Variants in SLC13A5 observed in about 807,000 individuals in gnomAD.
SLC13A5 encodes the protein Na(+)/citrate cotransporter.
In SLC13A5, 25 loss-of-function variants were observed where a neutral mutation model predicts 56.5. The ratio of observed to expected loss-of-function variants is 0.44; its 90% CI spans 0.32 to 0.62. The LOEUF (loss-of-function observed/expected upper bound fraction) is 0.62. Among genes scored for constraint, SLC13A5 ranks in the 20% least tolerant of loss-of-function variants. SLC13A5 has a pLI of 0.04. For missense variants in SLC13A5, 649 were observed against 737.8 expected, an observed-to-expected ratio of 0.88 and a Z score of 1.39; for synonymous variants, 307 against 301.5, an observed-to-expected ratio of 1.02 and a Z score of -0.19.
chr17:6,708,388 C>T (rs865946573), intron 1 of SLC13A5, among the ~76,000 whole-genome samples: 32 of 151,664 alleles, frequency 2.1e-4, no homozygotes, highest in Non-Finnish European at 2.6e-4. Flanking sequence ...AACTGTCCTT[C>T]TACCACCACA....
chr17:6,695,874 G>T lies in SLC13A5; in HGVS notation c.907C>A (p.Gln303Lys), dbSNP rs139972538. The change falls in exon 7 of 12, where the codon CAG becomes AAG. Residue 303 changes from glutamine to lysine, a missense_variant. Gln to Lys is a moderately conservative substitution (Grantham distance 53). Coordinates refer to ENST00000433363, the MANE Select transcript of SLC13A5 (RefSeq NM_177550.5). Reference sequence around the variant, plus strand: ...GGCCCCAGCTTCCGGTACTCCTCCTGCAGCACCTTGAGGGCAGCCTTCTCG... The same window carrying T: ...GGCCCCAGCTTCCGGTACTCCTCCTTCAGCACCTTGAGGGCAGCCTTCTCG... ...KNEKAALKVL[Q>K]EEYRKLGPLS... 6.2e-7 allele frequency: 1 copy of T among 1,614,146 alleles called. No homozygotes were observed. The highest frequency in any genetic ancestry group is 1.3e-5 in the African/African-American group (1 of 75,040).
chr17:6,699,756 CTACCACGCCCGGCTAATTTTTGT>C, intron 6 of SLC13A5, among the ~76,000 whole-genome samples: 1 of 152,198 alleles, frequency 6.6e-6, no homozygotes, highest in Non-Finnish European at 1.5e-5. Context: ...CAGGCGTGGG[CTACCACGCCCGGCTAATTTTTGT>C]ATTTTTAGTA....
chr17:6,706,451 C>T (rs1393702514), intron 3 of SLC13A5, among the ~76,000 whole-genome samples, 191 bp downstream of exon 3: 1 of 152,216 alleles, frequency 6.6e-6, no homozygotes, highest in Non-Finnish European at 1.5e-5. Flanking sequence ...TACTGCTGCT[C>T]ACCATGTGCC....
In SLC13A5 at chr17:6,701,264, C is replaced by T. The variant is rs915705624; in HGVS notation, c.717-138G>A. The T allele has an allele frequency of 5.8e-6, 7 of 1,214,194 alleles. No homozygotes were observed. The highest frequency in any genetic ancestry group is 1.1e-6 in the Non-Finnish European group (1 of 876,990). The allele number at this position is 1,214,194 out of a possible 1,614,324, so 75.2% of individuals were successfully genotyped here. On this transcript the variant is annotated intron_variant, in intron 5 of 11. Transcript: ENST00000433363. This position sits in a 1 kb window ranked among gnomAD's most constrained non-coding sequence, Gnocchi z 4.1. The stretch of plus-strand genomic sequence containing the variant: ...CCACATCCTCCTGAGGTCTAGCCAC[C>T]AAGTCCATTGCCAAGCATTGTCCCC...
intron 6 of SLC13A5, among the ~76,000 whole-genome samples, chr17:6,698,763 C>A (rs563122136): frequency 6.6e-6 from 1 of 152,124 alleles, no homozygotes. Context: ...TTGGGCCAGG[C>A]GAGGTGGCTC....
chr17:6,711,643 TTG>T lies in SLC13A5; in HGVS notation c.102+1587_102+1588del, dbSNP rs1007367466. On this transcript the variant is annotated intron_variant, in intron 1 of 11. Transcript: ENST00000433363. The surrounding 1 kb of genome is among the most constrained non-coding windows in gnomAD (Gnocchi z 4.0). ...GTGTGTTTGTGTTTGTGCGTGTGTT[TTG>T]TGTGTGTCTGTGTGTTTGTGTGTGT... 6.6e-6 allele frequency among the ~76,000 whole-genome samples: 1 copy of T among 150,688 alleles called. No individual in the cohort carries two copies.
In SLC13A5 at chr17:6,706,624, G is replaced by C. The variant is rs768098625; in HGVS notation, c.368+18C>G. On this transcript the variant is annotated intron_variant, in intron 3 of 11. Coordinates refer to ENST00000433363, the MANE Select transcript of SLC13A5 (RefSeq NM_177550.5). ...GCTCATGCAGAGCCACGTGGCAAGA[G>C]AGAGAAGGCGTAATTACCGTGCAGG... is the stretch of plus-strand genomic sequence containing the variant. The C allele has an allele frequency of 1.9e-6, 3 of 1,611,714 alleles. No individual in the cohort carries two copies. The highest frequency in any genetic ancestry group is 1.7e-5 in the Admixed American group (1 of 59,868).
intron 3 of SLC13A5, 44 bp from the exon 4 acceptor site, chr17:6,704,100 C>T (rs1447875694): frequency 7.0e-6 from 11 of 1,572,464 alleles, no homozygotes; most frequent in Non-Finnish European, 9.5e-6. Context: ...ATCCCCACCC[C>T]ACCCCCGTAC....
rs73976257 is a variant in SLC13A5, at chr17:6,712,811, G to A, written c.102+421C>T. ...GAAGTCTTCTTTGGCGAAGGGAAAAGACAGGAGAGAGAGAGGGAAAGGCAA... is the reference window on the plus strand; with the variant it reads ...GAAGTCTTCTTTGGCGAAGGGAAAAAACAGGAGAGAGAGAGGGAAAGGCAA... On this transcript the variant is annotated intron_variant, in intron 1 of 11. Coordinates refer to ENST00000433363, the MANE Select transcript of SLC13A5 (RefSeq NM_177550.5). Among the ~76,000 whole-genome samples the A allele has an allele frequency of 6.9e-3, 1,049 of 152,358 alleles. 9 individuals are homozygous for A. Among genetic ancestry groups the A allele is most frequent in the African/African-American group, 0.024 (994 of 41,588 alleles).
At position 6,692,842 on chromosome 17, in the gene SLC13A5, A is replaced by C; in HGVS notation, c.1275+202T>G. On this transcript the variant is annotated intron_variant, in intron 9 of 11. Transcript: ENST00000433363. This position sits in a 1 kb window ranked among gnomAD's most constrained non-coding sequence, Gnocchi z 5.5. ...CATTCACTCATTCCTGCAATCGCTC[A>C]AAGGTTACTTTCTGTCTTCCAGGCC... 1 of 585,180 alleles carries C rather than the reference A, an allele frequency of 1.7e-6. No individual in the cohort carries two copies. Among genetic ancestry groups the C allele is most frequent in the Non-Finnish European group, 3.0e-6 (1 of 327,936 alleles). 36.2% of individuals were successfully genotyped at this position (585,180 alleles called of 1,614,324 possible). A position where few individuals can be genotyped will look rare whatever the true frequency, so the allele number is the denominator to read the frequency against.
chr17:6,695,636 C>A (rs928624760), intron 7 of SLC13A5, 90 bp downstream of exon 7: 194 of 1,336,640 alleles, frequency 1.5e-4, no homozygotes, highest in Non-Finnish European at 2.0e-4. Context: ...AGTGACCCAC[C>A]CACCTCAGCC....
Position 6,701,826 on chromosome 17 carries a change from C to T in SLC13A5, c.717-700G>A, listed in dbSNP as rs920365390. Among the ~76,000 whole-genome samples the T allele has an allele frequency of 6.6e-6, 1 of 152,204 alleles. No homozygotes were observed. On this transcript the variant is annotated intron_variant, in intron 5 of 11. Coordinates refer to ENST00000433363, the MANE Select transcript of SLC13A5 (RefSeq NM_177550.5). The surrounding 1 kb of genome is among the most constrained non-coding windows in gnomAD (Gnocchi z 4.1). ...TCTGTGGGTTTCTGCAAAGAACGGT[C>T]CCCCCACTTAGCAAAGGAAATCTCA...
Position 6,693,132 on chromosome 17 carries a change from A to G in SLC13A5, c.1187T>C (p.Leu396Pro). 6.3e-7 allele frequency: 1 copy of G among 1,588,192 alleles called. No individual in the cohort carries two copies. The highest frequency in any genetic ancestry group is 8.6e-7 in the Non-Finnish European group (1 of 1,165,930). ...CTCCTGGGTTACCTTCCAATCCAGC[A>G]GGGGAGGGGGATAAAATGGAGTTTT... ...ERKTPFYPPP[L>P]LDWKVTQEKV... Residue 396 changes from leucine (L) to proline (P), a missense_variant, in exon 9 of 12, where the codon CTG (leucine) becomes CCG (proline). Leu to Pro is a moderately conservative substitution (Grantham distance 98, BLOSUM62 -3). Coordinates refer to ENST00000433363, the MANE Select transcript of SLC13A5 (RefSeq NM_177550.5).
At chr17:6,696,297 C>T (rs934547421) in intron 6 of SLC13A5, among the ~76,000 whole-genome samples, 10 of 152,204 alleles carry the variant, frequency 6.6e-5, no homozygotes, top group African/African-American at 2.4e-4. Flanking sequence ...CTCCTTCCAC[C>T]TCAGCCTGGA....
At position 6,692,250 on chromosome 17, in the gene SLC13A5, TGGATGGATGGATGGATGGATGGATGGAC is replaced by T. The variant is rs1973432164; in HGVS notation, c.1275+766_1275+793del. 6.6e-6 allele frequency among the ~76,000 whole-genome samples: 1 copy of T among 150,864 alleles called. No homozygotes were observed. The highest frequency in any genetic ancestry group is 2.4e-5 in the African/African-American group (1 of 40,860). On this transcript the variant is annotated intron_variant, in intron 9 of 11. Transcript: ENST00000433363. This position sits in a 1 kb window ranked among gnomAD's most constrained non-coding sequence, Gnocchi z 5.5. ...ATGGACAGATGGATGGATGGATGGA[TGGATGGATGGATGGATGGATGGATGGAC>T]GGATGGACGGACGGATGGATGGATG... is the stretch of plus-strand genomic sequence containing the variant.
intron 1 of SLC13A5, among the ~76,000 whole-genome samples, chr17:6,708,816 A>C (rs1245287788): frequency 1.3e-5 from 2 of 152,180 alleles, no homozygotes; most frequent in African/African-American, 4.8e-5. Flanking sequence ...ACGCTCACTC[A>C]GACAGGGACC....
chr17:6,701,861 C>T lies in SLC13A5; in HGVS notation c.717-735G>A, dbSNP rs914817816. ...AGCAAAGGAAATCTCAAAAGCTTCC[C>T]AGAGCGGAGGCTGGAGGAGGGTCAC... On this transcript the variant is annotated intron_variant, in intron 5 of 11. Coordinates refer to ENST00000433363, the MANE Select transcript of SLC13A5 (RefSeq NM_177550.5). This position sits in a 1 kb window ranked among gnomAD's most constrained non-coding sequence, Gnocchi z 4.1. 6.6e-6 allele frequency among the ~76,000 whole-genome samples: 1 copy of T among 152,168 alleles called. No individual in the cohort carries two copies. The highest frequency in any genetic ancestry group is 2.4e-5 in the African/African-American group (1 of 41,432).
At chr17:6,710,768 G>T (rs1394895288) in intron 1 of SLC13A5, among the ~76,000 whole-genome samples, 1 of 151,718 alleles carries the variant, frequency 6.6e-6, no homozygotes, top group Non-Finnish European at 1.5e-5. Flanking sequence ...CCTACTGTGT[G>T]TGTGTGTGTG....
chr17:6,707,146 C>T lies in SLC13A5; in HGVS notation c.113G>A (p.Cys38Tyr). 1 of 1,613,972 alleles carries T rather than the reference C, an allele frequency of 6.2e-7. No individual in the cohort carries two copies. The highest frequency in any genetic ancestry group is 8.5e-7 in the Non-Finnish European group (1 of 1,179,974). ...GGCCATGAGGATGATGACGTAGGCA[C>T]ACCTGACAAACTGAAGAGACAGTCC... ...VILMPAKFVR[C>Y]AYVIILMAIY... is the part of the protein sequence containing the mutation. The change falls in exon 2 of 12, where the codon TGT becomes TAT. Residue 38 changes from cysteine (C) to tyrosine (Y), a missense_variant. Physicochemically the swap from Cys to Tyr is radical, Grantham distance 194. Coordinates refer to ENST00000433363, the MANE Select transcript of SLC13A5 (RefSeq NM_177550.5).
Sources: gnomAD v4.1 joint callset for allele counts (sites outside exome capture counted in the v4.1 genomes callset) on GRCh38, gnomAD v4.1.1 for gene constraint, Gnocchi (gnomAD v3.1) non-coding constraint, MANE v1.5 for transcripts, NCBI Gene and HGNC (gene_info 2026-07-23, HGNC 2026-07-21) for gene names.